Variants in CELF2 observed in about 807,000 individuals in gnomAD.
CELF2 encodes the protein CUGBP Elav-like family member 2.
Under a neutral mutation model 62.6 loss-of-function variants are expected in CELF2, and 8 were observed. The ratio of observed to expected loss-of-function variants is 0.13; its 90% CI spans 0.07 to 0.23. The LOEUF (loss-of-function observed/expected upper bound fraction) is 0.23, where lower values mean the gene tolerates loss of function less well. CELF2 is among the 10% of genes least tolerant of loss of function. CELF2 has a pLI of 1.00. For synonymous variants in CELF2, 258 were observed against 250.0 expected (o/e 1.03, Z -0.30); for missense variants, 333 against 671.0 (o/e 0.50, Z 5.56).
At chr10:11,257,581 A>T in intron 4 of CELF2, 157 bp from the exon 5 acceptor site, 1 of 675,726 alleles carries the variant, frequency 1.5e-6, no homozygotes, top group South Asian at 1.9e-5. Context: ...GGTGGGGCGC[A>T]TGGAGGGAGG....
the CELF2 span, among the ~76,000 whole-genome samples, chr10:10,652,346 C>T: frequency 8.1e-6 from 1 of 123,924 alleles, no homozygotes; most frequent in Admixed American, 8.8e-5. Context: ...GGCAGGCCAA[C>T]GTTCAGATTC....
intron 1 of CELF2, among the ~76,000 whole-genome samples, chr10:11,107,451 G>T (rs570380383): frequency 6.6e-6 from 1 of 152,128 alleles, no homozygotes; most frequent in Non-Finnish European, 1.5e-5. Context: ...GAGTTTGGCC[G>T]CTTAGATGCT....
chr10:11,044,895 C>G (rs1009321061), intron 1 of CELF2, among the ~76,000 whole-genome samples: 1 of 152,188 alleles, frequency 6.6e-6, no homozygotes, highest in Non-Finnish European at 1.5e-5. Context: ...ATTTGAATTG[C>G]ACATTCATAG....
chr10:11,000,584 C>A (rs1484559818), upstream of CELF2, among the ~76,000 whole-genome samples: 1 of 152,116 alleles, frequency 6.6e-6, no homozygotes, highest in Non-Finnish European at 1.5e-5. Flanking sequence ...GAATTTAGGG[C>A]CCTTGGATTT....
chr10:10,808,579 C>A (rs772951399), intron 1 of CELF2, among the ~76,000 whole-genome samples: 4 of 152,020 alleles, frequency 2.6e-5, no homozygotes, highest in Non-Finnish European at 5.9e-5. Flanking sequence ...CAGGTCACTG[C>A]GAAACAATCC....
the CELF2 span, among the ~76,000 whole-genome samples, chr10:10,649,336 C>G: frequency 1.3e-5 from 2 of 152,066 alleles, no homozygotes; most frequent in African/African-American, 4.8e-5. Flanking sequence ...AATTAGATAG[C>G]GGGCTGGGTT....
chr10:10,695,758 C>A, the CELF2 span, among the ~76,000 whole-genome samples: 1 of 152,120 alleles, frequency 6.6e-6, no homozygotes, highest in Non-Finnish European at 1.5e-5. Flanking sequence ...TCATTCATTT[C>A]TTCTTCCATT....
intron 1 of CELF2, among the ~76,000 whole-genome samples, chr10:10,887,555 A>G (rs937565741): frequency 1.3e-5 from 2 of 152,106 alleles, no homozygotes; most frequent in Non-Finnish European, 2.9e-5. Flanking sequence ...ACCAAAACCC[A>G]TGTTTGCATG....
At chr10:11,190,128 T>C (rs980940325) in intron 2 of CELF2, among the ~76,000 whole-genome samples, 2 of 152,242 alleles carry the variant, frequency 1.3e-5, no homozygotes, top group Non-Finnish European at 2.9e-5. Flanking sequence ...CTACCTTGTG[T>C]TAACTTATTT....
chr10:11,113,133 G>A (rs1340156871), intron 1 of CELF2, among the ~76,000 whole-genome samples: 2 of 152,242 alleles, frequency 1.3e-5, no homozygotes, highest in Non-Finnish European at 2.9e-5. Flanking sequence ...TAGTTACTGA[G>A]TGAATCAATA....
intron 1 of CELF2, among the ~76,000 whole-genome samples, chr10:10,914,405 A>G (rs892419639): frequency 3.9e-5 from 6 of 152,222 alleles, no homozygotes; most frequent in African/African-American, 1.4e-4. Flanking sequence ...ATGTTATTGC[A>G]GACAGCTGAT....
At chr10:10,500,819 A>AT in the CELF2 span, among the ~76,000 whole-genome samples, 1 of 152,222 alleles carries the variant, frequency 6.6e-6, no homozygotes, top group African/African-American at 2.4e-5. Context: ...TCCTTAAGCC[A>AT]TGGCAGTCAG....
intron 1 of CELF2, among the ~76,000 whole-genome samples, chr10:11,139,483 T>A (rs1311375531): frequency 6.6e-6 from 1 of 152,232 alleles, no homozygotes; most frequent in Non-Finnish European, 1.5e-5. Flanking sequence ...GCATTATTAT[T>A]TATGGTATTA....
At chr10:10,810,405 G>A (rs1447351345) in intron 1 of CELF2, among the ~76,000 whole-genome samples, 1 of 152,148 alleles carries the variant, frequency 6.6e-6, no homozygotes, top group Non-Finnish European at 1.5e-5. Flanking sequence ...TCTCATGGGG[G>A]AGGTGAACTA....
At chr10:10,999,030 A>G (rs868261567) in intron 2 of CELF2, among the ~76,000 whole-genome samples, 1 of 152,248 alleles carries the variant, frequency 6.6e-6, no homozygotes, top group Non-Finnish European at 1.5e-5. Context: ...TTCAAAAACA[A>G]TTATGAAAAC....
At chr10:10,568,947 A>G in the CELF2 span, among the ~76,000 whole-genome samples, 1 of 152,164 alleles carries the variant, frequency 6.6e-6, no homozygotes, top group Admixed American at 6.5e-5. Flanking sequence ...ATTGTAATAA[A>G]TTTATGCTTT....
chr10:10,723,808 T>G, the CELF2 span, among the ~76,000 whole-genome samples: 1 of 152,228 alleles, frequency 6.6e-6, no homozygotes, highest in Non-Finnish European at 1.5e-5. Flanking sequence ...GAAAATGATT[T>G]GTGAGCTTTA....
At chr10:11,059,394 A>T (rs2066162310) in intron 1 of CELF2, among the ~76,000 whole-genome samples, 1 of 144,590 alleles carries the variant, frequency 6.9e-6, no homozygotes, top group Non-Finnish European at 1.5e-5. Context: ...CCATTTTACT[A>T]AGGTGGGGAG....
chr10:11,205,425 C>T (rs897215885), intron 2 of CELF2, among the ~76,000 whole-genome samples: 3 of 152,218 alleles, frequency 2.0e-5, no homozygotes, highest in Non-Finnish European at 2.9e-5. Context: ...TTAAAGTGGA[C>T]AATAGCTGCT....
Sources: allele counts gnomAD v4.1 joint callset (sites outside exome capture counted in the v4.1 genomes callset), GRCh38; gene constraint gnomAD v4.1.1; transcripts MANE v1.5; gene names NCBI Gene and HGNC (gene_info 2026-07-23, HGNC 2026-07-21).